The following PTPRT variants were observed in gnomAD, a reference collection of about 807,000 sequenced individuals.
PTPRT encodes receptor-type tyrosine-protein phosphatase T.
A neutral mutation model predicts 176.8 loss-of-function variants in PTPRT; 56 were observed. That is an observed-to-expected ratio of 0.32 (90% CI 0.26 to 0.40). PTPRT has a LOEUF of 0.40. Among genes scored for constraint, PTPRT ranks in the 10% least tolerant of loss-of-function variants. The pLI is 1.00. For missense variants in PTPRT, 1,540 were observed against 1,908.2 expected (o/e 0.81, Z 3.60); for synonymous variants, 783 against 739.0 (o/e 1.06, Z -0.96).
intron 6 of PTPRT, among the ~76,000 whole-genome samples, chr20:42,694,025 CTTTTATTTTA>C (rs527451118): frequency 6.6e-4 from 97 of 147,662 alleles, no homozygotes; most frequent in African/African-American, 2.2e-3. Context: ...GGTTTTTTTT[CTTTTATTTTA>C]TTTTCTTTTT....
intron 1 of PTPRT, among the ~76,000 whole-genome samples, chr20:43,109,342 C>T (rs981513953): frequency 1.3e-5 from 2 of 152,048 alleles, no homozygotes; most frequent in African/African-American, 2.4e-5. Context: ...ACTGGGAGTG[C>T]GTGCTTTTCG....
At chr20:42,309,071 G>T (rs1243482120) in intron 12 of PTPRT, among the ~76,000 whole-genome samples, 1 of 152,144 alleles carries the variant, frequency 6.6e-6, no homozygotes, top group East Asian at 1.9e-4. Flanking sequence ...ATTTGGCAGA[G>T]GCATCATCCA....
rs1010811822 is a variant in PTPRT, at chr20:42,527,169, T to C, written c.1154-54607A>G. Among the ~76,000 whole-genome samples, 174 of 152,054 alleles carry C rather than the reference T, an allele frequency of 1.1e-3. 3 individuals are homozygous for C. Among genetic ancestry groups the C allele is most frequent in the Non-Finnish European group, 8.2e-4 (56 of 67,968 alleles). On this transcript the variant is annotated intron_variant, in intron 7 of 30. Coordinates refer to ENST00000373187, the MANE Select transcript of PTPRT (RefSeq NM_007050.6). ...TAGTAGAGACGGGGTTTCACCGTGTTAGCCAGGATGGTCTCTATCTCCTGA... is the reference window on the plus strand; with the variant it reads ...TAGTAGAGACGGGGTTTCACCGTGTCAGCCAGGATGGTCTCTATCTCCTGA...
At chr20:42,769,183 C>T (rs2077027592) in intron 5 of PTPRT, among the ~76,000 whole-genome samples, 1 of 152,180 alleles carries the variant, frequency 6.6e-6, no homozygotes, top group South Asian at 2.1e-4. Flanking sequence ...TTTCACGCTG[C>T]TGTGCTGCTA....
At chr20:42,663,241 T>G (rs1569065245) in intron 7 of PTPRT, among the ~76,000 whole-genome samples, 1 of 152,138 alleles carries the variant, frequency 6.6e-6, no homozygotes, top group African/African-American at 2.4e-5. Flanking sequence ...AAAGTTGAAC[T>G]GCTCTAGGAA....
intron 9 of PTPRT, among the ~76,000 whole-genome samples, chr20:42,383,089 C>A (rs757160680): frequency 6.6e-6 from 1 of 152,194 alleles, no homozygotes; most frequent in African/African-American, 2.4e-5. Flanking sequence ...TGCCTGAAGA[C>A]TTCCTGGTAT....
chr20:43,018,608 A>G (rs1186130708), intron 1 of PTPRT, among the ~76,000 whole-genome samples: 3 of 152,226 alleles, frequency 2.0e-5, no homozygotes, highest in African/African-American at 7.2e-5. Flanking sequence ...TCTATATGAT[A>G]AAAGGTTAAT....
At position 42,259,134 on chromosome 20, in the gene PTPRT, T is replaced by C. The variant is rs187351293; in HGVS notation, c.2177-10312A>G. 1.5e-4 allele frequency among the ~76,000 whole-genome samples: 23 copies of C among 152,328 alleles called. No homozygotes were observed. In the East Asian group the frequency reaches 4.4e-3, roughly 29 times the overall value. ...CCACTCAAATAAATTGTTCCTCAAG[T>C]GCTGATTTTGCTTGGTCTCCTGAAT... On this transcript the variant is annotated intron_variant, in intron 13 of 30. Coordinates refer to ENST00000373187, the MANE Select transcript of PTPRT (RefSeq NM_007050.6).
intron 2 of PTPRT, among the ~76,000 whole-genome samples, chr20:42,819,836 A>C (rs1217726330): frequency 6.6e-6 from 1 of 152,234 alleles, no homozygotes; most frequent in Admixed American, 6.5e-5. Flanking sequence ...GCATTACATA[A>C]TGGTAAAGGG....
chr20:42,801,852 G>T (rs1375964107), intron 2 of PTPRT, among the ~76,000 whole-genome samples: 2 of 152,144 alleles, frequency 1.3e-5, no homozygotes, highest in African/African-American at 2.4e-5. Flanking sequence ...TGCCTTGTGG[G>T]GGGGCTAAAA....
chr20:42,714,221 AGAATCATGTG>A (rs1382974562), intron 6 of PTPRT, among the ~76,000 whole-genome samples: 1 of 152,146 alleles, frequency 6.6e-6, no homozygotes, highest in Non-Finnish European at 1.5e-5. Context: ...TGGGGTTCTA[AGAATCATGTG>A]GAATAGAGAA....
chr20:42,591,975 C>CTTT lies in PTPRT; in HGVS notation c.1153+85888_1153+85890dup, dbSNP rs71335866. On this transcript the variant is annotated intron_variant, in intron 7 of 30. Transcript: ENST00000373187. ...GGTCATGGTCAGTTTGCTGGAGATTCTTTTTTTTTTTTTTTTTTTTTTGAC... is the reference window on the plus strand; with the variant it reads ...GGTCATGGTCAGTTTGCTGGAGATTCTTTTTTTTTTTTTTTTTTTTTTTTTGAC... Among the ~76,000 whole-genome samples, 755 of 102,318 alleles carry CTTT rather than the reference C, an allele frequency of 7.4e-3. 23 individuals carry two copies. The highest frequency in any genetic ancestry group is 0.014 in the African/African-American group (330 of 24,194). The allele number at this position is 102,318 out of a possible 152,430, so 67.1% of individuals were successfully genotyped here.
At chr20:42,689,220 A>G (rs1416679919) in intron 6 of PTPRT, among the ~76,000 whole-genome samples, 1 of 152,210 alleles carries the variant, frequency 6.6e-6, no homozygotes, top group Non-Finnish European at 1.5e-5. Flanking sequence ...GCACACATAC[A>G]AGTGGCTGAA....
At chr20:42,269,563 G>A (rs1600755870) in intron 13 of PTPRT, among the ~76,000 whole-genome samples, 1 of 152,198 alleles carries the variant, frequency 6.6e-6, no homozygotes, top group Admixed American at 6.5e-5. Context: ...TGACATGAGT[G>A]GGCTCTGTGT....
rs1982639864 is a variant in PTPRT, at chr20:42,075,061, C to T, written c.*5818G>A. 1 of 387,958 alleles carries T rather than the reference C, an allele frequency of 2.6e-6. No homozygotes were observed. Among genetic ancestry groups the T allele is most frequent in the East Asian group, 3.6e-5 (1 of 27,422 alleles). 24.0% of individuals were successfully genotyped at this position (387,958 alleles called of 1,614,324 possible). A position where few individuals can be genotyped will look rare whatever the true frequency, so the allele number is the denominator to read the frequency against. On this transcript the variant is annotated 3_prime_UTR_variant, in exon 31 of 31. Transcript: ENST00000373187. ...CAGTCTATGACCTCAAAGGCAGATC[C>T]CTGCAAGACAAAGCCAAGGCCTTGC...
At chr20:42,874,919 G>C (rs208200) in intron 2 of PTPRT, among the ~76,000 whole-genome samples, 39,050 of 151,818 alleles carry the variant, frequency 0.26, 5,107 homozygotes, top group African/African-American at 0.3. Context: ...ATGAAGTTTT[G>C]CTTTCGTTGC....
chr20:42,485,379 A>C (rs2071449681), intron 7 of PTPRT, among the ~76,000 whole-genome samples: 1 of 152,206 alleles, frequency 6.6e-6, no homozygotes, highest in African/African-American at 2.4e-5. Flanking sequence ...AAAGCCACCT[A>C]GCACTGGGCC....
intron 2 of PTPRT, among the ~76,000 whole-genome samples, chr20:42,815,159 G>T (rs893599528): frequency 6.6e-6 from 1 of 152,156 alleles, no homozygotes; most frequent in Non-Finnish European, 1.5e-5. Context: ...GAAAGGCTTA[G>T]TCCTGAATTC....
Position 42,455,258 on chromosome 20 carries a change from G to T in PTPRT, c.1451-6929C>A, listed in dbSNP as rs182185630. 3.9e-5 allele frequency among the ~76,000 whole-genome samples: 6 copies of T among 152,248 alleles called. No homozygotes were observed. In the East Asian group the frequency reaches 1.2e-3, roughly 29 times the overall value. ...CTCTTTCTGTACTTGTCTTGTTATG[G>T]ATTAGAGAGTCAATGAGTCAGTGCT... On this transcript the variant is annotated intron_variant, in intron 8 of 30. Coordinates refer to ENST00000373187, the MANE Select transcript of PTPRT (RefSeq NM_007050.6).
Sources: gnomAD v4.1 joint callset for allele counts (sites outside exome capture counted in the v4.1 genomes callset) on GRCh38, gnomAD v4.1.1 for gene constraint, MANE v1.5 for transcripts, NCBI Gene and HGNC (gene_info 2026-07-23, HGNC 2026-07-21) for gene names.